The following CNTN5 variants were observed in gnomAD, a reference collection of about 807,000 sequenced individuals.
The protein encoded by CNTN5 is contactin-5.
In CNTN5, 77 loss-of-function variants were observed where a neutral mutation model predicts 129.1. The ratio of observed to expected loss-of-function variants is 0.60; its 90% CI spans 0.50 to 0.72. CNTN5 has a LOEUF of 0.72. CNTN5 is among the 30% of genes least tolerant of loss of function. The pLI, the probability that CNTN5 is intolerant of heterozygous loss-of-function variation, is 0.00. For synonymous variants in CNTN5, 509 were observed against 465.6 expected, an observed-to-expected ratio of 1.09 and a Z score of -1.20; for missense variants, 1,478 against 1,328.8, an observed-to-expected ratio of 1.11 and a Z score of -1.75.
intron 9 of CNTN5, among the ~76,000 whole-genome samples, chr11:100,045,642 A>C (rs1344146516): frequency 6.6e-6 from 1 of 152,052 alleles, no homozygotes; most frequent in East Asian, 1.9e-4. Context: ...TTTTCTCTCC[A>C]AAATGAGACT....
intron 1 of CNTN5, among the ~76,000 whole-genome samples, chr11:99,263,812 G>T (rs1862758311): frequency 6.6e-6 from 1 of 151,650 alleles, no homozygotes; most frequent in Admixed American, 6.6e-5. Flanking sequence ...TGTAGAGACA[G>T]GTTCTTACCA....
chr11:99,389,259 C>G (rs2136182802), intron 2 of CNTN5, among the ~76,000 whole-genome samples: 1 of 152,174 alleles, frequency 6.6e-6, no homozygotes, highest in East Asian at 1.9e-4. Context: ...AATTCCTGAC[C>G]TCAGGTGATC....
rs141104116 is a variant in CNTN5, at chr11:100,064,155, G to A, written c.1162+2762G>A. 7.7e-4 allele frequency among the ~76,000 whole-genome samples: 117 copies of A among 152,264 alleles called. 2 individuals are homozygous for A. Among genetic ancestry groups the A allele is most frequent in the East Asian group, 5.0e-3 (26 of 5,174 alleles). ...GTAATTGGGATTCTATCTGTTAGAA[G>A]TACAGACTACCCATTTTATCCAAAC... On this transcript the variant is annotated intron_variant, in intron 10 of 24. Coordinates refer to ENST00000524871, the MANE Select transcript of CNTN5 (RefSeq NM_014361.4).
intron 1 of CNTN5, among the ~76,000 whole-genome samples, chr11:99,248,250 T>G (rs1861919516): frequency 6.6e-6 from 1 of 152,204 alleles, no homozygotes; most frequent in Admixed American, 6.5e-5. Context: ...TTTGGGTGCG[T>G]AAATGTCTTC....
intron 7 of CNTN5, among the ~76,000 whole-genome samples, chr11:99,946,239 C>T (rs146163988): frequency 4.6e-4 from 70 of 152,202 alleles, no homozygotes; most frequent in African/African-American, 1.7e-3. Flanking sequence ...GTGTAACTCT[C>T]CTGGGTTCCA....
At chr11:99,965,772 C>A (rs184102239) in intron 8 of CNTN5, among the ~76,000 whole-genome samples, 19 of 152,068 alleles carry the variant, frequency 1.2e-4, no homozygotes, top group Admixed American at 2.6e-4. Context: ...TTAAAGTCTC[C>A]CACTATTGTG....
chr11:100,161,605 T>TC (rs912350173), intron 13 of CNTN5, among the ~76,000 whole-genome samples: 1 of 151,786 alleles, frequency 6.6e-6, no homozygotes, highest in Non-Finnish European at 1.5e-5. Context: ...TAGGAAGAAG[T>TC]CCATGAAGTG....
chr11:99,504,929 A>G, intron 2 of CNTN5, among the ~76,000 whole-genome samples: 1 of 152,214 alleles, frequency 6.6e-6, no homozygotes, highest in East Asian at 1.9e-4. Flanking sequence ...GGAAAGGAGA[A>G]GAGAATGTAA....
chr11:99,081,663 T>C (rs1865802085), intron 1 of CNTN5, among the ~76,000 whole-genome samples: 1 of 152,210 alleles, frequency 6.6e-6, no homozygotes, highest in Non-Finnish European at 1.5e-5. Context: ...TATTTTCAAA[T>C]TATTACGTTT....
intron 1 of CNTN5, among the ~76,000 whole-genome samples, chr11:99,215,934 G>A (rs1013924877): frequency 6.6e-6 from 1 of 152,172 alleles, no homozygotes; most frequent in African/African-American, 2.4e-5. Flanking sequence ...TGCGGTGCAT[G>A]TGATGTTCTG....
rs114645203 is a variant in CNTN5, at chr11:100,089,667, T to G, written c.1580+15373T>G. Reference sequence around the variant, plus strand: ...AACCAAATGCCCTTCATTGATAGACTGGATAAAGAAAACATGGTACATATA... The same window carrying G: ...AACCAAATGCCCTTCATTGATAGACGGGATAAAGAAAACATGGTACATATA... On this transcript the variant is annotated intron_variant, in intron 13 of 24. Coordinates refer to ENST00000524871, the MANE Select transcript of CNTN5 (RefSeq NM_014361.4). Among the ~76,000 whole-genome samples, 1,164 of 152,240 alleles carry G rather than the reference T, an allele frequency of 7.6e-3. 14 individuals are homozygous for G. The highest frequency in any genetic ancestry group is 0.027 in the African/African-American group (1,105 of 41,552).
At chr11:100,337,207 G>A (rs1208165467) in intron 21 of CNTN5, 4 of 1,540,378 alleles carry the variant, frequency 2.6e-6, no homozygotes, top group Non-Finnish European at 3.6e-6. Flanking sequence ...TGAAAACACT[G>A]TAGTTCCTCC....
intron 18 of CNTN5, among the ~76,000 whole-genome samples, chr11:100,278,746 G>A (rs181811522): frequency 4.3e-4 from 66 of 152,024 alleles, no homozygotes; most frequent in Non-Finnish European, 7.4e-4. Flanking sequence ...TATATCATCT[G>A]CAAACAAGAA....
chr11:99,435,467 C>T (rs969864409), intron 2 of CNTN5, among the ~76,000 whole-genome samples: 44 of 152,180 alleles, frequency 2.9e-4, no homozygotes, highest in Non-Finnish European at 5.1e-4. Context: ...AGAGCTCACA[C>T]TGAAACTCAC....
intron 3 of CNTN5, among the ~76,000 whole-genome samples, chr11:99,608,359 GAC>G (rs1183479010): frequency 6.6e-6 from 1 of 152,128 alleles, no homozygotes; most frequent in Non-Finnish European, 1.5e-5. Context: ...AGTAAGATTA[GAC>G]TAGGTAGTAA....
At chr11:100,337,496 G>T in intron 21 of CNTN5, 1 of 742,948 alleles carries the variant, frequency 1.3e-6, no homozygotes, top group Non-Finnish European at 2.5e-6. Flanking sequence ...TGAACTTTCA[G>T]GATCTCAAGA....
At chr11:99,277,956 C>T (rs1315639588) in intron 1 of CNTN5, among the ~76,000 whole-genome samples, 2 of 151,584 alleles carry the variant, frequency 1.3e-5, no homozygotes, top group Non-Finnish European at 3.0e-5. Flanking sequence ...AGAGGAAGTT[C>T]TGATTATTGA....
intron 1 of CNTN5, among the ~76,000 whole-genome samples, chr11:99,160,254 G>A (rs1288203428): frequency 6.6e-6 from 1 of 152,128 alleles, no homozygotes; most frequent in Non-Finnish European, 1.5e-5. Flanking sequence ...TGATAATTTG[G>A]GAAATATATA....
chr11:100,067,995 T>A (rs1943761331), intron 10 of CNTN5, among the ~76,000 whole-genome samples: 1 of 152,170 alleles, frequency 6.6e-6, no homozygotes, highest in Non-Finnish European at 1.5e-5. Context: ...AATCTGTTTT[T>A]ATTTAAATAT....
Sources: allele counts gnomAD v4.1 joint callset (sites outside exome capture counted in the v4.1 genomes callset), GRCh38; gene constraint gnomAD v4.1.1; transcripts MANE v1.5; gene names NCBI Gene and HGNC (gene_info 2026-07-23, HGNC 2026-07-21).